CEP192: variants seen among roughly 807,000 people sequenced by gnomAD.
CEP192 encodes the protein centrosomal protein 192.
A neutral mutation model predicts 271.8 loss-of-function variants in CEP192; 151 were observed. That is an observed-to-expected ratio of 0.56 (90% CI 0.49 to 0.64). CEP192 has a LOEUF of 0.64. Among genes scored for constraint, CEP192 ranks in the 30% least tolerant of loss-of-function variants. The pLI, the probability that CEP192 is intolerant of heterozygous loss-of-function variation, is 0.00. For missense variants in CEP192, 2,910 were observed against 3,020.5 expected, an observed-to-expected ratio of 0.96 and a Z score of 0.86; for synonymous variants, 995 against 1,076.5, an observed-to-expected ratio of 0.92 and a Z score of 1.48.
intron 1 of CEP192, among the ~76,000 whole-genome samples, chr18:12,994,399 A>G (rs1350087834): frequency 6.6e-6 from 1 of 152,088 alleles, no homozygotes; most frequent in Non-Finnish European, 1.5e-5. Context: ...TTACAAGAAT[A>G]GAAAATCTAG....
chr18:13,104,796 G>C (rs1196810108), intron 39 of CEP192, among the ~76,000 whole-genome samples, 188 bp from the exon 40 acceptor site: 2 of 152,190 alleles, frequency 1.3e-5, no homozygotes, highest in Non-Finnish European at 2.9e-5. Context: ...TTGGTGATGT[G>C]AGTCAGCATG....
intron 21 of CEP192, 62 bp downstream of exon 21, chr18:13,059,374 A>C (rs1568354258): frequency 3.6e-6 from 5 of 1,370,454 alleles, no homozygotes; most frequent in Non-Finnish European, 5.1e-6. Context: ...GTTTAACCTT[A>C]GAAGTAAAAT....
Position 13,100,518 on chromosome 18 carries a change from G to A in CEP192, c.6871+6G>A, listed in dbSNP as rs1178668833. On this transcript the variant is annotated splice_donor_region_variant and intron_variant, in intron 38 of 44. Coordinates refer to ENST00000506447, the MANE Select transcript of CEP192 (RefSeq NM_032142.4). ...AGAACCTGGTGAAACTTCAGGTATT[G>A]TATCACAAAATTATGTAATTCAAAT... The A allele has an allele frequency of 2.5e-6, 4 of 1,592,882 alleles. No individual in the cohort carries two copies. Among genetic ancestry groups the A allele is most frequent in the Middle Eastern group, 1.7e-4 (1 of 6,050 alleles).
At chr18:13,063,780 GA>G (rs1442750754) in intron 21 of CEP192, among the ~76,000 whole-genome samples, 2 of 151,084 alleles carry the variant, frequency 1.3e-5, no homozygotes, top group African/African-American at 4.9e-5. Context: ...TATTGCTCAA[GA>G]AGTCTTTGCC....
chr18:13,104,190 T>C (rs567865686), intron 39 of CEP192, among the ~76,000 whole-genome samples: 3 of 152,192 alleles, frequency 2.0e-5, no homozygotes, highest in Non-Finnish European at 4.4e-5. Context: ...ATGTAAAAAT[T>C]GTATTTCTGA....
intron 33 of CEP192, among the ~76,000 whole-genome samples, chr18:13,092,060 C>A (rs937149241): frequency 6.6e-6 from 1 of 152,184 alleles, no homozygotes; most frequent in African/African-American, 2.4e-5. Flanking sequence ...TTTTAATGCT[C>A]ACAACCCCTG....
rs1028862922 is a variant in CEP192, at chr18:13,087,260, A to C, written c.5860A>C (p.Lys1954Gln). The C allele has an allele frequency of 6.2e-7, 1 of 1,605,344 alleles. No individual in the cohort carries two copies. Among genetic ancestry groups the C allele is most frequent in the Non-Finnish European group, 8.5e-7 (1 of 1,173,206 alleles). ...GATTTTTCCAGATAAATTTGTACTC[A>C]AGGAAAGAACACAAGAAGTAAGTAC... ...LRIFPDKFVL[K>Q]ERTQENVTLI... The change falls in exon 31 of 45, where the codon AAG becomes CAG. Residue 1954 changes from lysine to glutamine, a missense_variant. Transcript: ENST00000506447.
intron 21 of CEP192, among the ~76,000 whole-genome samples, chr18:13,066,767 A>C (rs1311415617): frequency 6.6e-6 from 1 of 152,034 alleles, no homozygotes; most frequent in African/African-American, 2.4e-5. Context: ...ATTCCATTCG[A>C]GCCTCACCCT....
intron 30 of CEP192, among the ~76,000 whole-genome samples, chr18:13,075,218 A>G (rs536176877): frequency 3.9e-5 from 6 of 152,316 alleles, no homozygotes; most frequent in African/African-American, 1.4e-4. Context: ...CCATGCGAGG[A>G]CACAGCATTT....
rs144904147 is a variant in CEP192, at chr18:13,099,283, C to G, written c.6558-193C>G. ...GTTCATGCTGGTGAGTTCCTTGTAACCCGTTGAGTCGGGTGGAGGCGGGAT... is the reference window on the plus strand; with the variant it reads ...GTTCATGCTGGTGAGTTCCTTGTAAGCCGTTGAGTCGGGTGGAGGCGGGAT... On this transcript the variant is annotated intron_variant, in intron 36 of 44. Transcript: ENST00000506447. 3.5e-3 allele frequency among the ~76,000 whole-genome samples: 527 copies of G among 152,120 alleles called. 4 individuals carry two copies. Among genetic ancestry groups the G allele is most frequent in the African/African-American group, 0.012 (503 of 41,492 alleles).
At chr18:13,088,915 G>GTT in intron 32 of CEP192, 12 of 435,532 alleles carry the variant, frequency 2.8e-5, no homozygotes, top group Non-Finnish European at 4.1e-5. Flanking sequence ...GTATTCTGAT[G>GTT]TTTTTTTTTC....
At chr18:13,113,118 G>A (rs1025065891) in intron 40 of CEP192, among the ~76,000 whole-genome samples, 1 of 152,174 alleles carries the variant, frequency 6.6e-6, no homozygotes, top group Non-Finnish European at 1.5e-5. Context: ...AGCGTCTGGC[G>A]CTTGTCTTGT....
chr18:13,103,574 C>T lies in CEP192; in HGVS notation c.6937C>T (p.Pro2313Ser). ...GAAATGGCATCTGTCATCTTTAGCG[C>T]CACCTTATGTCAAGGTCAGTCATGA... is the stretch of plus-strand genomic sequence containing the variant. ...DVKWHLSSLA[P>S]PYVKGVDESG... The change falls in exon 39 of 45, where the codon CCA becomes TCA. Residue 2313 changes from proline to serine, a missense_variant. Transcript: ENST00000506447. 6.2e-7 allele frequency: 1 copy of T among 1,613,076 alleles called. No individual in the cohort carries two copies. Among genetic ancestry groups the T allele is most frequent in the Non-Finnish European group, 8.5e-7 (1 of 1,179,084 alleles).
At position 13,087,101 on chromosome 18, in the gene CEP192, A is replaced by G; in HGVS notation, c.5701A>G (p.Asn1901Asp). 1 of 1,613,922 alleles carries G rather than the reference A, an allele frequency of 6.2e-7. No individual in the cohort carries two copies. The highest frequency in any genetic ancestry group is 8.5e-7 in the Non-Finnish European group (1 of 1,179,784). Residue 1901 changes from asparagine to aspartate, a missense_variant, in exon 31 of 45, where the codon AAT becomes GAT. Coordinates refer to ENST00000506447, the MANE Select transcript of CEP192 (RefSeq NM_032142.4). ...ATCTGACAGTTACATGGTAACAGTG[A>G]ATGGCTTAGTACCTGGCAAAGAAAG... Reference protein sequence around the residue: ...KLSDSYMVTVNGLVPGKESKI... With the variant: ...KLSDSYMVTVDGLVPGKESKI...
chr18:13,003,510 A>G (rs1371391942), intron 3 of CEP192, among the ~76,000 whole-genome samples: 1 of 150,722 alleles, frequency 6.6e-6, no homozygotes, highest in Non-Finnish European at 1.5e-5. Flanking sequence ...GGAGTTAACT[A>G]TGTGGACGCC....
chr18:13,102,644 T>G (rs1488013267), intron 38 of CEP192, among the ~76,000 whole-genome samples: 1 of 152,150 alleles, frequency 6.6e-6, no homozygotes, highest in Non-Finnish European at 1.5e-5. Context: ...GCTCTTCCAC[T>G]TTGGAGGACT....
Position 13,100,520 on chromosome 18 carries a change from A to T in CEP192, c.6871+8A>T, listed in dbSNP as rs759558965. On this transcript the variant is annotated splice_region_variant and intron_variant, in intron 38 of 44. Coordinates refer to ENST00000506447, the MANE Select transcript of CEP192 (RefSeq NM_032142.4). ...AACCTGGTGAAACTTCAGGTATTGT[A>T]TCACAAAATTATGTAATTCAAATGT... is the stretch of plus-strand genomic sequence containing the variant. 3 of 1,585,088 alleles carry T rather than the reference A, an allele frequency of 1.9e-6. No homozygotes were observed. Among genetic ancestry groups the T allele is most frequent in the African/African-American group, 2.7e-5 (2 of 74,302 alleles).
intron 5 of CEP192, among the ~76,000 whole-genome samples, chr18:13,014,792 C>CATATATATGTA (rs202135079): frequency 0.01 from 1,569 of 152,034 alleles, 24 homozygotes; most frequent in African/African-American, 0.036. Flanking sequence ...GTGTTATTTA[C>CATATATATGTA]ATATATATGT....
In CEP192 at chr18:13,105,364, G is replaced by A. The variant is rs78983857; in HGVS notation, c.7047+285G>A. 7.4e-3 allele frequency among the ~76,000 whole-genome samples: 1,129 copies of A among 152,322 alleles called. 12 individuals are homozygous for A. The highest frequency in any genetic ancestry group is 0.025 in the African/African-American group (1,059 of 41,566). On this transcript the variant is annotated intron_variant, in intron 40 of 44. Transcript: ENST00000506447. Reference sequence around the variant, plus strand: ...GAGACGAGAGTTTTGTCTATCAGCTGTAGCCAGAAAAACCTGCCATTACTC... The same window carrying A: ...GAGACGAGAGTTTTGTCTATCAGCTATAGCCAGAAAAACCTGCCATTACTC...
Sources: gnomAD v4.1 joint callset for allele counts (sites outside exome capture counted in the v4.1 genomes callset) on GRCh38, gnomAD v4.1.1 for gene constraint, MANE v1.5 for transcripts, NCBI Gene and HGNC (gene_info 2026-07-23, HGNC 2026-07-21) for gene names.